MSRA: variants seen among roughly 807,000 people sequenced by gnomAD.
MSRA encodes the protein methionine sulfoxide reductase A, also known as mitochondrial peptide methionine sulfoxide reductase.
In MSRA, 54 loss-of-function variants were observed where a neutral mutation model predicts 31.3. The ratio of observed to expected loss-of-function variants is 1.73; its 90% CI spans 1.39 to 2.17. The LOEUF is 2.17. Ranked by LOEUF, MSRA falls within the 30% of genes most tolerant of loss-of-function variation. MSRA has a pLI of 0.00. For missense variants in MSRA, 507 were observed against 300.9 expected (o/e 1.69, Z -5.07); for synonymous variants, 169 against 116.5 (o/e 1.45, Z -2.90).
chr8:10,246,651 G>T lies in MSRA; in HGVS notation c.331+1428G>T, dbSNP rs181556602. ...CTTGGTGAATAGTGAGCATGTTGAT[G>T]TGTTTGCTACAATATGAATTCTATT... On this transcript the variant is annotated intron_variant, in intron 3 of 5. Coordinates refer to ENST00000317173, the MANE Select transcript of MSRA (RefSeq NM_012331.5). Among the ~76,000 whole-genome samples, 19 of 152,314 alleles carry T rather than the reference G, an allele frequency of 1.2e-4. 1 individual carries two copies. Among genetic ancestry groups the T allele is most frequent in the African/African-American group, 4.6e-4 (19 of 41,576 alleles).
chr8:10,141,361 A>G (rs1464955064), intron 1 of MSRA, among the ~76,000 whole-genome samples: 2 of 152,196 alleles, frequency 1.3e-5, no homozygotes, highest in Non-Finnish European at 2.9e-5. Context: ...GATAGCACAC[A>G]ACTGATCAAG....
chr8:10,357,553 G>C (rs1185096026), intron 5 of MSRA, among the ~76,000 whole-genome samples: 2 of 152,084 alleles, frequency 1.3e-5, no homozygotes, highest in African/African-American at 4.8e-5. Context: ...ATTGGCTCTG[G>C]GGTCCTTTTA....
chr8:10,174,777 T>C (rs1387502645), intron 1 of MSRA, among the ~76,000 whole-genome samples: 3 of 152,064 alleles, frequency 2.0e-5, no homozygotes, highest in African/African-American at 7.2e-5. Context: ...ACTGGAGGAG[T>C]CCATGAGCTG....
At chr8:10,270,901 G>T (rs975965822) in intron 3 of MSRA, among the ~76,000 whole-genome samples, 15 of 152,140 alleles carry the variant, frequency 9.9e-5, no homozygotes, top group South Asian at 2.1e-4. Flanking sequence ...GGAGCCAGGC[G>T]CCTTCCCCAC....
chr8:10,265,955 A>G (rs1033990426), intron 3 of MSRA, among the ~76,000 whole-genome samples: 4 of 152,188 alleles, frequency 2.6e-5, no homozygotes, highest in Middle Eastern at 3.2e-3. Context: ...TTCCTGCTGA[A>G]TGATATTCTC....
chr8:10,216,228 G>T (rs76806214), intron 2 of MSRA, among the ~76,000 whole-genome samples: 6,736 of 152,202 alleles, frequency 0.044, 225 homozygotes, highest in Middle Eastern at 0.15. Flanking sequence ...CAACTAACAT[G>T]CATTAGAATT....
intron 5 of MSRA, among the ~76,000 whole-genome samples, chr8:10,355,772 G>A (rs1241078642): frequency 2.0e-5 from 3 of 152,150 alleles, no homozygotes; most frequent in Non-Finnish European, 4.4e-5. Context: ...GTGGCCAGGG[G>A]TCTAGCCAGG....
intron 5 of MSRA, among the ~76,000 whole-genome samples, chr8:10,374,597 C>T (rs1215151838): frequency 6.6e-6 from 1 of 152,212 alleles, no homozygotes; most frequent in Admixed American, 6.5e-5. Flanking sequence ...CTGTGTCCCA[C>T]TCTATATTAG....
At position 10,428,470 on chromosome 8, in the gene MSRA, G is replaced by A. The variant is rs921050424; in HGVS notation, c.*158G>A. 3.6e-5 allele frequency: 27 copies of A among 741,112 alleles called. No individual in the cohort carries two copies. Among genetic ancestry groups the A allele is most frequent in the South Asian group, 1.1e-4 (6 of 56,186 alleles). The allele number at this position is 741,112 out of a possible 1,614,324, so 45.9% of individuals were successfully genotyped here. A position where few individuals can be genotyped will look rare whatever the true frequency, so the allele number is the denominator to read the frequency against. ...CCGAAGTATAATCTATAGGAGGCGC[G>A]ATGGCAAGTTGATAAAATGTGACTT... On this transcript the variant is annotated 3_prime_UTR_variant, in exon 6 of 6. Coordinates refer to ENST00000317173, the MANE Select transcript of MSRA (RefSeq NM_012331.5).
intron 5 of MSRA, among the ~76,000 whole-genome samples, chr8:10,366,286 G>A (rs986724693): frequency 2.0e-5 from 3 of 152,234 alleles, no homozygotes; most frequent in African/African-American, 7.2e-5. Context: ...GGAAGCAGAG[G>A]GCTCTGAATT....
intron 1 of MSRA, among the ~76,000 whole-genome samples, chr8:10,063,683 G>A (rs1032076569): frequency 1.3e-5 from 2 of 152,168 alleles, no homozygotes; most frequent in Non-Finnish European, 2.9e-5. Context: ...AGTCTTTTCG[G>A]CCATGTGAGG....
rs35940076 is a variant in MSRA, at chr8:10,328,027, A to ATTTTTTTTTTTTT, written c.543+8051_543+8063dup. ...TAGTTTGAATACCATCTCTATGGTAATTTTTTTTTTTTTTTTTTTTTTTTT... is the reference window on the plus strand; with the variant it reads ...TAGTTTGAATACCATCTCTATGGTAATTTTTTTTTTTTTTTTTTTTTTTTTTTTTTTTTTTTTT... On this transcript the variant is annotated intron_variant, in intron 5 of 5. Coordinates refer to ENST00000317173, the MANE Select transcript of MSRA (RefSeq NM_012331.5). Among the ~76,000 whole-genome samples, 46 of 65,330 alleles carry ATTTTTTTTTTTTT rather than the reference A, an allele frequency of 7.0e-4. 5 individuals are homozygous for ATTTTTTTTTTTTT. The highest frequency in any genetic ancestry group is 2.9e-3 in the African/African-American group (41 of 14,104). 42.9% of individuals were successfully genotyped at this position (65,330 alleles called of 152,430 possible).
intron 3 of MSRA, among the ~76,000 whole-genome samples, chr8:10,269,611 C>A (rs770429188): frequency 8.5e-5 from 13 of 152,156 alleles, no homozygotes; most frequent in Admixed American, 2.0e-4. Context: ...GCTGCTACCG[C>A]TTACTCTCTC....
In MSRA at chr8:10,428,170, G is replaced by A. The variant is rs1321628942; in HGVS notation, c.566G>A (p.Gly189Asp). Residue 189 changes from glycine to aspartate, a missense_variant, in exon 6 of 6, where the codon GGC becomes GAC. Physicochemically the swap from Gly to Asp is moderately conservative, Grantham distance 94. Transcript: ENST00000317173. ...CAGGTTCTTTCAGAGCACGGCTTCG[G>A]CCCCATCACTACCGACATCCGGGAG... ...YQKVLSEHGFGPITTDIREGQ... is the reference protein window; with the variant it reads ...YQKVLSEHGFDPITTDIREGQ... The A allele has an allele frequency of 5.6e-6, 9 of 1,613,818 alleles. No homozygotes were observed. In the South Asian group the frequency reaches 6.6e-5, roughly 12 times the overall value.
At chr8:10,093,549 GC>G (rs1798963761) in intron 1 of MSRA, among the ~76,000 whole-genome samples, 1 of 151,904 alleles carries the variant, frequency 6.6e-6, no homozygotes, top group Non-Finnish European at 1.5e-5. Context: ...ACAGTTCTAT[GC>G]TTTTGTCATT....
rs540873055 is a variant in MSRA at position 10,353,889 on chromosome 8, A to T, written c.543+33900A>T. The T allele has an allele frequency of 2.7e-4, 64 of 235,574 alleles. No homozygotes were observed. In the South Asian group the frequency reaches 3.3e-3, roughly 12 times the overall value. The allele number at this position is 235,574 out of a possible 1,614,324, so 14.6% of individuals were successfully genotyped here. A position where few individuals can be genotyped will look rare whatever the true frequency, so the allele number is the denominator to read the frequency against. On this transcript the variant is annotated intron_variant, in intron 5 of 5. Transcript: ENST00000317173. Reference sequence around the variant, plus strand: ...CATTTCAGAAAATATGAAGACAAAAAGATGAAGGAAAGGGCTTTAAGGATA... The same window carrying T: ...CATTTCAGAAAATATGAAGACAAAATGATGAAGGAAAGGGCTTTAAGGATA...
At chr8:10,088,737 GAA>G (rs1211071786) in intron 1 of MSRA, among the ~76,000 whole-genome samples, 2 of 148,430 alleles carry the variant, frequency 1.3e-5, no homozygotes, top group Admixed American at 6.7e-5. Context: ...CTTCATCTCA[GAA>G]AAAAAAAGTC....
intron 1 of MSRA, among the ~76,000 whole-genome samples, chr8:10,129,305 G>A (rs1159965567): frequency 2.0e-5 from 3 of 152,046 alleles, no homozygotes; most frequent in Non-Finnish European, 4.4e-5. Context: ...AAACAAACTC[G>A]GGCTTCAGGG....
At chr8:10,300,156 G>A (rs1157628371) in intron 3 of MSRA, among the ~76,000 whole-genome samples, 3 of 149,802 alleles carry the variant, frequency 2.0e-5, no homozygotes, top group Non-Finnish European at 3.0e-5. Flanking sequence ...GTGTGCACGC[G>A]TGCATGCACA....
Sources: allele counts gnomAD v4.1 joint callset (sites outside exome capture counted in the v4.1 genomes callset), GRCh38; gene constraint gnomAD v4.1.1; transcripts MANE v1.5; gene names NCBI Gene and HGNC (gene_info 2026-07-23, HGNC 2026-07-21).